Variants in CRKL observed in about 807,000 individuals in gnomAD.
CRKL encodes CRK like proto-oncogene, adaptor protein, also known as crk-like protein.
CRKL carries 3 observed loss-of-function variants against 23.0 expected under a neutral mutation model. That is an observed-to-expected ratio of 0.13 (90% CI 0.06 to 0.34). The LOEUF is 0.34. Ranked by LOEUF, CRKL falls within the 10% of genes least tolerant of loss-of-function variation. The pLI is 1.00. For synonymous variants in CRKL, 188 were observed against 160.7 expected, an observed-to-expected ratio of 1.17 and a Z score of -1.28; for missense variants, 256 against 394.5, an observed-to-expected ratio of 0.65 and a Z score of 2.97.
At chr22:20,924,368 G>A (rs1921113420) in intron 1 of CRKL, among the ~76,000 whole-genome samples, 1 of 152,180 alleles carries the variant, frequency 6.6e-6, no homozygotes, top group Non-Finnish European at 1.5e-5. Context: ...GAGGAAACAA[G>A]AAGCATGGTT....
chr22:20,925,413 C>T (rs890111090), intron 1 of CRKL, among the ~76,000 whole-genome samples: 10 of 151,502 alleles, frequency 6.6e-5, no homozygotes, highest in Non-Finnish European at 1.0e-4. Context: ...TCTGGCAGGT[C>T]GGGAGTTCGA....
chr22:20,942,740 G>C (rs1921925135), intron 2 of CRKL, among the ~76,000 whole-genome samples: 1 of 151,992 alleles, frequency 6.6e-6, no homozygotes, highest in South Asian at 2.1e-4. Flanking sequence ...TCCTGCCTCA[G>C]CCTCCTGAGT....
At chr22:20,924,220 A>G (rs1470351493) in intron 1 of CRKL, among the ~76,000 whole-genome samples, 2 of 152,076 alleles carry the variant, frequency 1.3e-5, no homozygotes, top group East Asian at 1.9e-4. Context: ...TGTAAGTTGT[A>G]TATATTTAAT....
rs2147905346 is a variant in CRKL at position 20,934,044 on chromosome 22, A to G, written c.577A>G (p.Arg193Gly). Residue 193 changes from arginine to glycine, a missense_variant, in exon 2 of 3, where the codon AGG becomes GGG. This residue lies in a region of CRKL where 129 missense variants were observed against 222.1 expected (regional missense o/e 0.58). Transcript: ENST00000354336. The part of the protein sequence containing the change: ...RSSPHGKHGN[R>G]NSNSYGIPEP... ...CTCACCACACGGAAAGCATGGAAATAGGAATTCCAACAGTTATGGGATCCC... is the reference window on the plus strand; with the variant it reads ...CTCACCACACGGAAAGCATGGAAATGGGAATTCCAACAGTTATGGGATCCC... 1 of 1,614,222 alleles carries G rather than the reference A, an allele frequency of 6.2e-7. No homozygotes were observed. Among genetic ancestry groups the G allele is most frequent in the Non-Finnish European group, 8.5e-7 (1 of 1,180,038 alleles).
intron 1 of CRKL, among the ~76,000 whole-genome samples, chr22:20,920,151 T>C (rs2147893707): frequency 6.6e-6 from 1 of 152,326 alleles, no homozygotes; most frequent in Middle Eastern, 3.4e-3. Flanking sequence ...AGGCATTCAT[T>C]AAGCCATGCA....
At chr22:20,925,366 T>A (rs1037547809) in intron 1 of CRKL, among the ~76,000 whole-genome samples, 1 of 151,650 alleles carries the variant, frequency 6.6e-6, no homozygotes, top group Non-Finnish European at 1.5e-5. Context: ...GGGCCGGGCG[T>A]GGTGGCTCAC....
Position 20,934,131 on chromosome 22 carries a change from TCTC to T in CRKL, c.667_669del (p.Pro223del). The T allele has an allele frequency of 6.2e-7, 1 of 1,614,190 alleles. No homozygotes were observed. The highest frequency in any genetic ancestry group is 8.5e-7 in the Non-Finnish European group (1 of 1,180,042). On this transcript the variant is annotated inframe_deletion, in exon 2 of 3. Transcript: ENST00000354336. ...AACTCCTCTACCTGCAGTTTCCGGT[TCTC>T]CTGGGGCAGCAATCACCCCTTTGCC...
At chr22:20,943,017 T>A (rs1448283971) in intron 2 of CRKL, among the ~76,000 whole-genome samples, 4 of 151,916 alleles carry the variant, frequency 2.6e-5, no homozygotes, top group African/African-American at 9.7e-5. Flanking sequence ...CAAAAAAAAA[T>A]TCTTCCACAT....
At chr22:20,925,005 T>C (rs1371196653) in intron 1 of CRKL, among the ~76,000 whole-genome samples, 2 of 151,506 alleles carry the variant, frequency 1.3e-5, no homozygotes, top group East Asian at 3.9e-4. Context: ...CTGGCCAACA[T>C]AGTGAAACCC....
intron 2 of CRKL, among the ~76,000 whole-genome samples, chr22:20,940,506 G>C (rs1183830313): frequency 6.6e-6 from 1 of 150,496 alleles, no homozygotes; most frequent in Non-Finnish European, 1.5e-5. Flanking sequence ...GACTCTTACT[G>C]CTGTTTGCCA....
chr22:20,939,109 C>CA (rs925938741), intron 2 of CRKL, among the ~76,000 whole-genome samples: 54 of 151,812 alleles, frequency 3.6e-4, no homozygotes, highest in Non-Finnish European at 2.8e-4. Context: ...TGGACACCTC[C>CA]AAAAAAACAT....
chr22:20,932,095 G>A (rs1418171044), intron 1 of CRKL, among the ~76,000 whole-genome samples: 1 of 151,878 alleles, frequency 6.6e-6, no homozygotes, highest in Non-Finnish European at 1.5e-5. Context: ...ACAGGCATGA[G>A]CCACTGCGCC....
chr22:20,917,991 G>A lies in CRKL; in HGVS notation c.57G>A (p.Val19=), dbSNP rs2147891382. 6.2e-7 allele frequency: 1 copy of A among 1,614,186 alleles called. No individual in the cohort carries two copies. Among genetic ancestry groups the A allele is most frequent in the Non-Finnish European group, 8.5e-7 (1 of 1,180,036 alleles). Residue 19 remains valine (V), a synonymous_variant, in exon 1 of 3, where the codon GTG becomes GTA. Transcript: ENST00000354336. ...SDRSAWYMGP[V]SRQEAQTRLQ... ...GCTCCGCCTGGTATATGGGGCCGGTGTCTCGCCAGGAGGCGCAGACCCGGC... is the reference window on the plus strand; with the variant it reads ...GCTCCGCCTGGTATATGGGGCCGGTATCTCGCCAGGAGGCGCAGACCCGGC...
intron 1 of CRKL, among the ~76,000 whole-genome samples, chr22:20,922,082 G>A (rs1314405317): frequency 6.9e-6 from 1 of 145,542 alleles, no homozygotes; most frequent in African/African-American, 2.6e-5. Context: ...GCCCAATCTC[G>A]GCTCACTGCA....
chr22:20,944,871 G>A (rs975596349), intron 2 of CRKL, among the ~76,000 whole-genome samples: 2 of 151,564 alleles, frequency 1.3e-5, no homozygotes, highest in Admixed American at 6.6e-5. Context: ...CTGCCACCAC[G>A]CCCAGCTAAC....
intron 2 of CRKL, among the ~76,000 whole-genome samples, chr22:20,944,343 A>G (rs944664464): frequency 5.3e-5 from 8 of 151,518 alleles, no homozygotes; most frequent in African/African-American, 1.9e-4. Context: ...ATGTTTTTGC[A>G]TTTATTTAGG....
intron 2 of CRKL, among the ~76,000 whole-genome samples, chr22:20,941,368 T>A (rs1230942159): frequency 2.6e-5 from 4 of 151,838 alleles, no homozygotes; most frequent in African/African-American, 9.7e-5. Context: ...ATTGTGTCAG[T>A]TGTCCTTCAC....
At chr22:20,943,220 G>A (rs578168697) in intron 2 of CRKL, among the ~76,000 whole-genome samples, 3 of 152,104 alleles carry the variant, frequency 2.0e-5, no homozygotes, top group Admixed American at 6.6e-5. Flanking sequence ...GGTTATTTGA[G>A]CGTTTTTGTT....
intron 1 of CRKL, among the ~76,000 whole-genome samples, chr22:20,927,111 C>CAAAAA (rs371278201): frequency 3.2e-3 from 157 of 48,508 alleles, no homozygotes; most frequent in East Asian, 0.012. Context: ...GACTCCGTCT[C>CAAAAA]AAAAAAAAAA....
Sources: gnomAD v4.1 joint callset for allele counts (sites outside exome capture counted in the v4.1 genomes callset) on GRCh38, gnomAD v4.1.1 for gene constraint, gnomAD v4.1.1 regional missense constraint, MANE v1.5 for transcripts, NCBI Gene and HGNC (gene_info 2026-07-23, HGNC 2026-07-21) for gene names.